The following DNAH3 variants were observed in gnomAD, a reference collection of about 807,000 sequenced individuals.
DNAH3 encodes dynein axonemal heavy chain 3, also known as axonemal beta dynein heavy chain 3.
Under a neutral mutation model 432.5 loss-of-function variants are expected in DNAH3, and 332 were observed. The ratio of observed to expected loss-of-function variants is 0.77; its 90% confidence interval spans 0.70 to 0.84. The LOEUF (loss-of-function observed/expected upper bound fraction) is 0.84, where lower values mean the gene tolerates loss of function less well. DNAH3 is among the 40% of genes least tolerant of loss of function. The probability of loss-of-function intolerance (pLI) is 0.00; values close to 1 mark genes in which losing one functional copy is unlikely to be tolerated. For missense variants in DNAH3, 4,861 were observed against 5,114.0 expected, an observed-to-expected ratio of 0.95 and a Z score of 1.51; for synonymous variants, 1,956 against 1,900.2, an observed-to-expected ratio of 1.03 and a Z score of -0.76.
intron 41 of DNAH3, among the ~76,000 whole-genome samples, chr16:21,018,084 G>C (rs2087955561): frequency 6.6e-6 from 1 of 151,948 alleles, no homozygotes; most frequent in African/African-American, 2.4e-5. Flanking sequence ...CTAGTGTTCA[G>C]TATTTGTTTA....
intron 61 of DNAH3, among the ~76,000 whole-genome samples, chr16:20,934,462 C>T (rs997465859): frequency 1.1e-4 from 9 of 84,282 alleles, no homozygotes; most frequent in Admixed American, 9.4e-4. Flanking sequence ...AGAACACTTA[C>T]ATTAGCCTAT....
intron 19 of DNAH3, among the ~76,000 whole-genome samples, chr16:21,085,624 A>C (rs532900524): frequency 1.3e-5 from 2 of 152,010 alleles, no homozygotes; most frequent in East Asian, 3.9e-4. Flanking sequence ...TCTCCAGTTC[A>C]AGACTTTTTG....
intron 44 of DNAH3, among the ~76,000 whole-genome samples, chr16:20,988,577 T>C (rs1422083307): frequency 6.6e-6 from 1 of 152,162 alleles, no homozygotes; most frequent in Non-Finnish European, 1.5e-5. Context: ...AGTGCTGTGA[T>C]TGCAGGCATG....
exon 53 of DNAH3, chr16:20,964,939 G>A (rs754790201): frequency 1.9e-6 from 3 of 1,614,000 alleles, no homozygotes; most frequent in East Asian, 2.2e-5. Flanking sequence ...GGCAGCTTCG[G>A]TCCATCTGTC....
intron 1 of DNAH3, among the ~76,000 whole-genome samples, chr16:21,147,132 C>T (rs1465745096): frequency 6.6e-6 from 1 of 152,028 alleles, no homozygotes; most frequent in Admixed American, 6.6e-5. Context: ...AATATTTTTC[C>T]CCCGTGGAAG....
At position 20,976,598 on chromosome 16, in the gene DNAH3, C is replaced by T. The variant is rs1346868570; in HGVS notation, c.8077-1183G>A. ...CTACTTTTTCCAATAGTATTGTGGA[C>T]TAAATGTTTGTGTCCTCCTCAGATT... On this transcript the variant is annotated intron_variant, in intron 50 of 61. Transcript: ENST00000261383. 2.0e-5 allele frequency among the ~76,000 whole-genome samples: 3 copies of T among 152,188 alleles called. 1 individual carries two copies. The South Asian group carries it at 6.2e-4, about 31-fold the overall frequency.
rs1040817697 is a variant in DNAH3 at position 20,965,478 on chromosome 16, T to TA, written c.8459-54dup. The TA allele has an allele frequency of 2.1e-6, 3 of 1,427,314 alleles. No homozygotes were observed. The African/African-American group carries it at 4.3e-5, about 20-fold the overall frequency. 88.4% of individuals were successfully genotyped at this position (1,427,314 alleles called of 1,614,324 possible). A position where few individuals can be genotyped will look rare whatever the true frequency, so the allele number is the denominator to read the frequency against. ...GTGTTAAGACATTCTGGCCAAGACT[T>TA]AAAATTCTGCAGTGGTTACTGCTGG... On this transcript the variant is annotated intron_variant, in intron 52 of 61. Coordinates refer to ENST00000261383, the Ensembl canonical transcript of DNAH3.
Position 20,948,544 on chromosome 16 carries a change from T to TC in DNAH3, c.11281dup (p.Glu3761GlyfsTer43), listed in dbSNP as rs1295389002. On this transcript the variant is annotated frameshift_variant, in exon 57 of 62. Transcript: ENST00000261383. LOFTEE classifies it high-confidence loss of function. The stretch of plus-strand genomic sequence containing the variant: ...TCCAGGAGCGAGGGAGTAATAGTCC[T>TC]CCTCAATTTCCTTACAGTAGAACAT... The TC allele has an allele frequency of 6.2e-7, 1 of 1,614,098 alleles. No homozygotes were observed. The highest frequency in any genetic ancestry group is 1.7e-5 in the Admixed American group (1 of 59,996).
chr16:21,063,524 ATTTTATTTTTAT>A (rs1027416993), intron 24 of DNAH3, among the ~76,000 whole-genome samples: 4 of 142,994 alleles, frequency 2.8e-5, no homozygotes, highest in South Asian at 2.2e-4. Flanking sequence ...ATTTTATTTT[ATTTTATTTTTAT>A]TTTTATTTTT....
intron 16 of DNAH3, 42 bp from the exon 17 acceptor site, chr16:21,098,811 T>C (rs770960859): frequency 6.3e-7 from 1 of 1,586,322 alleles, no homozygotes; most frequent in Non-Finnish European, 8.5e-7. Flanking sequence ...ACTTTGCATT[T>C]TGTGCACTTT....
At chr16:21,038,064 C>T (rs184759302) in intron 33 of DNAH3, 84 bp from the exon 34 acceptor site, 30 of 1,246,240 alleles carry the variant, frequency 2.4e-5, no homozygotes, top group Non-Finnish European at 3.3e-5. Context: ...TTGTCCTTGC[C>T]CCGTCAGCAA....
At chr16:20,964,564 G>C (rs751081608) in exon 53 of DNAH3, 5 of 1,614,214 alleles carry the variant, frequency 3.1e-6, no homozygotes, top group Non-Finnish European at 4.2e-6. Context: ...GTTGCTATCA[G>C]AGAACTTGAT....
rs144463340 is a variant in DNAH3 at position 21,123,887 on chromosome 16, G to A, written c.1404+1288C>T. Among the ~76,000 whole-genome samples, 242 of 152,012 alleles carry A rather than the reference G, an allele frequency of 1.6e-3. 1 individual carries two copies. Among genetic ancestry groups the A allele is most frequent in the African/African-American group, 5.0e-3 (207 of 41,464 alleles). On this transcript the variant is annotated intron_variant, in intron 9 of 61. Coordinates refer to ENST00000261383, the Ensembl canonical transcript of DNAH3. Reference sequence around the variant, plus strand: ...GGCTCACTGCAACCTCTGCCTCCTGGGTTCAAGTGATTCTCCTGCCTCAGT... The same window carrying A: ...GGCTCACTGCAACCTCTGCCTCCTGAGTTCAAGTGATTCTCCTGCCTCAGT...
Position 20,987,753 on chromosome 16 carries a change from G to A in DNAH3, c.6822C>T (p.Asn2274=), listed in dbSNP as rs558614735. 12 of 1,614,164 alleles carry A rather than the reference G, an allele frequency of 7.4e-6. No individual in the cohort carries two copies. In the East Asian group the frequency reaches 2.0e-4, roughly 27 times the overall value. Residue 2274 remains asparagine, a synonymous_variant, in exon 46 of 62, where the codon AAC becomes AAT. Transcript: ENST00000261383. ...GAATCACTCGTGAGAAGTCCCGCAG[G>A]TTAAAGACGTAATGTGACTTCGAGG...
intron 37 of DNAH3, among the ~76,000 whole-genome samples, chr16:21,028,856 G>C (rs2088718296): frequency 1.3e-5 from 2 of 152,158 alleles, no homozygotes; most frequent in Non-Finnish European, 2.9e-5. Flanking sequence ...GGGGAGAAGA[G>C]GAAATACGAC....
chr16:21,158,109 C>G (rs1365147043), intron 1 of DNAH3, among the ~76,000 whole-genome samples: 1 of 152,186 alleles, frequency 6.6e-6, no homozygotes, highest in East Asian at 1.9e-4. Context: ...TGGATCCATG[C>G]AAACCGAGGA....
chr16:20,988,217 A>T, intron 44 of DNAH3, 152 bp from the exon 45 acceptor site: 1 of 790,836 alleles, frequency 1.3e-6, no homozygotes, highest in South Asian at 1.9e-5. Flanking sequence ...CACCTGCAGC[A>T]AATTTAAACT....
At chr16:21,020,397 A>ATATATT (rs1555530020) in intron 40 of DNAH3, among the ~76,000 whole-genome samples, 4 of 34,592 alleles carry the variant, frequency 1.2e-4, no homozygotes, top group African/African-American at 2.4e-4. Flanking sequence ...ATATATATAT[A>ATATATT]TTTTTTTTTT....
chr16:21,080,293 T>C (rs2091137482), intron 20 of DNAH3, among the ~76,000 whole-genome samples: 1 of 152,114 alleles, frequency 6.6e-6, no homozygotes, highest in Admixed American at 6.5e-5. Context: ...TGAGACTCCG[T>C]CTCCAAAATA....
Sources: allele counts gnomAD v4.1 joint callset (sites outside exome capture counted in the v4.1 genomes callset), GRCh38; gene constraint gnomAD v4.1.1; transcripts MANE v1.5; gene names NCBI Gene and HGNC (gene_info 2026-07-23, HGNC 2026-07-21).